RBFOX1: variants seen among roughly 807,000 people sequenced by gnomAD.
RBFOX1 encodes the protein RNA binding protein fox-1 homolog 1.
Under a neutral mutation model 57.7 loss-of-function variants are expected in RBFOX1, and 8 were observed. That is an observed-to-expected ratio of 0.14 (90% CI 0.08 to 0.25). RBFOX1 has a LOEUF of 0.25. Among genes scored for constraint, RBFOX1 ranks in the 10% least tolerant of loss-of-function variants. The probability of loss-of-function intolerance (pLI) is 1.00; values close to 1 mark genes in which losing one functional copy is unlikely to be tolerated. For synonymous variants in RBFOX1, 326 were observed against 222.4 expected, an observed-to-expected ratio of 1.47 and a Z score of -4.15; for missense variants, 611 against 548.5, an observed-to-expected ratio of 1.11 and a Z score of -1.14.
intron 4 of RBFOX1, among the ~76,000 whole-genome samples, chr16:7,229,548 GAGAGA>G: frequency 6.8e-6 from 1 of 147,706 alleles, no homozygotes; most frequent in Middle Eastern, 3.5e-3. Context: ...GGGAAGGAGA[GAGAGA>G]GGAAGGAAGG....
At chr16:6,862,792 C>G (rs1247323916) in intron 3 of RBFOX1, among the ~76,000 whole-genome samples, 1 of 152,046 alleles carries the variant, frequency 6.6e-6, no homozygotes, top group Admixed American at 6.5e-5. Flanking sequence ...GAAGATCAGC[C>G]TGGCCAAAAT....
intron 10 of RBFOX1, 36 bp downstream of exon 10, chr16:7,607,374 C>A: frequency 1.3e-6 from 2 of 1,583,784 alleles, no homozygotes; most frequent in Non-Finnish European, 1.7e-6. Flanking sequence ...TCTTCTCAGT[C>A]TTTTCTAAAT....
chr16:6,114,741 G>C (rs918425426), intron 1 of RBFOX1, among the ~76,000 whole-genome samples: 1 of 152,064 alleles, frequency 6.6e-6, no homozygotes, highest in Non-Finnish European at 1.5e-5. Context: ...GATGCAGGAC[G>C]GGCAAGTCCA....
intron 2 of RBFOX1, among the ~76,000 whole-genome samples, chr16:5,536,880 A>G (rs2044719946): frequency 6.6e-6 from 1 of 152,196 alleles, no homozygotes. Flanking sequence ...GGTTTATTCT[A>G]GCTTCCATTC....
intron 3 of RBFOX1, among the ~76,000 whole-genome samples, chr16:6,945,112 G>C (rs1434537285): frequency 6.6e-6 from 1 of 152,080 alleles, no homozygotes; most frequent in African/African-American, 2.4e-5. Context: ...ACGTCCCTTT[G>C]CTAGGGTCAC....
At chr16:5,884,762 T>C (rs998335596) in intron 4 of RBFOX1, among the ~76,000 whole-genome samples, 1 of 152,056 alleles carries the variant, frequency 6.6e-6, no homozygotes, top group African/African-American at 2.4e-5. Flanking sequence ...GAAGCAGTTA[T>C]CCTGATGGTG....
Position 6,981,497 on chromosome 16 carries a change from C to T in RBFOX1, c.-15-70560C>T, listed in dbSNP as rs115220831. Among the ~76,000 whole-genome samples, 898 of 152,232 alleles carry T rather than the reference C, an allele frequency of 5.9e-3. 11 individuals are homozygous for T. Among genetic ancestry groups the T allele is most frequent in the African/African-American group, 0.02 (850 of 41,528 alleles). ...CAGATTCTTTATCCAGTGTATTAGT[C>T]TGTTCTCATGCTGCTAATAAAGACG... is the stretch of plus-strand genomic sequence containing the variant. On this transcript the variant is annotated intron_variant, in intron 3 of 15. Transcript: ENST00000550418.
intron 4 of RBFOX1, chr16:7,332,639 C>T (rs1700435277): frequency 2.3e-6 from 1 of 425,546 alleles, no homozygotes; most frequent in Non-Finnish European, 3.4e-6. Flanking sequence ...AGCCTGGTTC[C>T]CTCTGTCACT....
rs150175658 is a variant in RBFOX1 at position 5,243,737 on chromosome 16, T to C, written c.219+3632T>C. 3.2e-3 allele frequency among the ~76,000 whole-genome samples: 488 copies of C among 152,190 alleles called. 4 individuals are homozygous for C. The highest frequency in any genetic ancestry group is 0.011 in the African/African-American group (471 of 41,506). On this transcript the variant is annotated intron_variant, in intron 1 of 2. Transcript: ENST00000585867. ...TGAGCTTGGGTCCCTGCTGTACCCT[T>C]TATGAGCCATGCGGTCTTGGAAAAT...
At chr16:7,704,704 G>T (rs1287542909) in intron 14 of RBFOX1, among the ~76,000 whole-genome samples, 1 of 152,152 alleles carries the variant, frequency 6.6e-6, no homozygotes, top group Non-Finnish European at 1.5e-5. Context: ...GATTATTAGA[G>T]TTGCTATACA....
chr16:5,488,668 TGGTGATGGAAGGTGAC>T (rs2042727462), intron 2 of RBFOX1, among the ~76,000 whole-genome samples: 1 of 142,990 alleles, frequency 7.0e-6, no homozygotes, highest in African/African-American at 2.8e-5. Flanking sequence ...TGGGAGATGA[TGGTGATGGAAGGTGAC>T]GGTGATGATG....
At chr16:5,401,855 C>G (rs147648422) in intron 1 of RBFOX1, among the ~76,000 whole-genome samples, 140 of 151,644 alleles carry the variant, frequency 9.2e-4, no homozygotes, top group Non-Finnish European at 1.5e-3. Context: ...CTGTCTCTGT[C>G]TCTCGTCATC....
chr16:7,486,293 G>C lies in RBFOX1; in HGVS notation c.28-31854G>C, dbSNP rs193248796. Among the ~76,000 whole-genome samples the C allele has an allele frequency of 1.5e-3, 231 of 149,516 alleles. 1 individual carries two copies. Among genetic ancestry groups the C allele is most frequent in the African/African-American group, 5.3e-3 (214 of 40,720 alleles). On this transcript the variant is annotated intron_variant, in intron 4 of 15. Coordinates refer to ENST00000550418, the MANE Select transcript of RBFOX1 (RefSeq NM_018723.4). ...CTCCTGAGAACCTGCCACCACGCCT[G>C]GTTCATTTTTGTTTTTTTTGGTAGA... is the stretch of plus-strand genomic sequence containing the variant.
At chr16:5,954,680 ACT>A (rs148425678) in intron 4 of RBFOX1, among the ~76,000 whole-genome samples, 1,588 of 151,452 alleles carry the variant, frequency 0.01, 27 homozygotes, top group African/African-American at 0.037. Flanking sequence ...TCACCCCTTA[ACT>A]CTCGGCAAGC....
intron 3 of RBFOX1, among the ~76,000 whole-genome samples, chr16:6,885,006 C>G (rs537683395): frequency 6.6e-6 from 1 of 152,166 alleles, no homozygotes; most frequent in African/African-American, 2.4e-5. Context: ...GTTTTCATTT[C>G]AATAATTACT....
intron 4 of RBFOX1, among the ~76,000 whole-genome samples, chr16:7,111,054 A>G (rs114486172): frequency 2.8e-4 from 43 of 152,336 alleles, no homozygotes; most frequent in African/African-American, 7.7e-4. Flanking sequence ...AGGTTAAGAA[A>G]AAATACTGTT....
At chr16:5,736,900 C>T (rs866382221) in intron 3 of RBFOX1, among the ~76,000 whole-genome samples, 1 of 145,924 alleles carries the variant, frequency 6.9e-6, no homozygotes, top group African/African-American at 2.5e-5. Flanking sequence ...TCTCTCTCCC[C>T]CTCCGTCTCT....
intron 1 of RBFOX1, among the ~76,000 whole-genome samples, chr16:6,199,696 G>A (rs775579779): frequency 4.7e-4 from 72 of 152,262 alleles, no homozygotes; most frequent in Admixed American, 1.2e-3. Context: ...TCTTTGGGGA[G>A]AGATGAGGGG....
chr16:6,562,680 A>G (rs2097193972), intron 2 of RBFOX1, among the ~76,000 whole-genome samples: 1 of 152,208 alleles, frequency 6.6e-6, no homozygotes, highest in South Asian at 2.1e-4. Flanking sequence ...TGAGTCTCTT[A>G]CTTGGAACCA....
Sources: gnomAD v4.1 joint callset for allele counts (sites outside exome capture counted in the v4.1 genomes callset) on GRCh38, gnomAD v4.1.1 for gene constraint, MANE v1.5 for transcripts, NCBI Gene and HGNC (gene_info 2026-07-23, HGNC 2026-07-21) for gene names.